Variants in CDKN1B observed in about 807,000 individuals in gnomAD.
CDKN1B encodes the protein cyclin dependent kinase inhibitor 1B, also known as cyclin-dependent kinase inhibitor 1B.
Under a neutral mutation model 17.1 loss-of-function variants are expected in CDKN1B, and 7 were observed. The observed-to-expected ratio is 0.41, with a 90% CI of 0.23 to 0.77. The LOEUF is 0.77. CDKN1B is among the 30% of genes least tolerant of loss of function. The probability of loss-of-function intolerance (pLI) is 0.33; values close to 1 mark genes in which losing one functional copy is unlikely to be tolerated. For missense variants in CDKN1B, 337 were observed against 262.0 expected (o/e 1.29, Z -1.98); for synonymous variants, 149 against 104.3 (o/e 1.43, Z -2.61).
At chr12:12,720,774 C>T (rs1307505232) in intron 2 of CDKN1B, among the ~76,000 whole-genome samples, 2 of 152,134 alleles carry the variant, frequency 1.3e-5, no homozygotes, top group Admixed American at 1.3e-4. Flanking sequence ...TGTCTCCAGA[C>T]ATTGCCAAAT....
In CDKN1B at chr12:12,718,253, G is replaced by A. The variant is rs2136356472; in HGVS notation, c.414G>A (p.Ser138=). 1 of 1,610,878 alleles carries A rather than the reference G, an allele frequency of 6.2e-7. No individual in the cohort carries two copies. Among genetic ancestry groups the A allele is most frequent in the Non-Finnish European group, 8.5e-7 (1 of 1,180,026 alleles). Residue 138 remains serine (S), a synonymous_variant, in exon 1 of 3, where the codon TCG becomes TCA. Coordinates refer to ENST00000228872, the MANE Select transcript of CDKN1B (RefSeq NM_004064.5). Reference sequence around the variant, plus strand: ...TGGTGGACCCAAAGACTGATCCGTCGGACAGCCAGACGGGGTTAGCGGAGC... The same window carrying A: ...TGGTGGACCCAAAGACTGATCCGTCAGACAGCCAGACGGGGTTAGCGGAGC... The part of the protein sequence containing the change: ...THLVDPKTDP[S]DSQTGLAEQC...
rs1015294906 is a variant in CDKN1B at position 12,720,919 on chromosome 12, T to C, written c.*9-117T>C. The C allele has an allele frequency of 5.5e-6, 3 of 547,386 alleles. No homozygotes were observed. In the Admixed American group the frequency reaches 1.1e-4, roughly 19 times the overall value. 33.9% of individuals were successfully genotyped at this position (547,386 alleles called of 1,614,324 possible). The stretch of plus-strand genomic sequence containing the variant: ...GTGGAGATGACTATAGTCATCAAAC[T>C]TTTTTCCCCATCAAGTATTTCCAAG... On this transcript the variant is annotated intron_variant, in intron 2 of 2. Coordinates refer to ENST00000228872, the MANE Select transcript of CDKN1B (RefSeq NM_004064.5).
At position 12,717,832 on chromosome 12, in the gene CDKN1B, G is replaced by A. The variant is rs763858384; in HGVS notation, c.-8G>A. On this transcript the variant is annotated 5_prime_UTR_variant, in exon 1 of 3. Coordinates refer to ENST00000228872, the MANE Select transcript of CDKN1B (RefSeq NM_004064.5). ...CGAGAGAGGCGGTCGTGCAGACCCG[G>A]GAGAAAGATGTCAAACGTGCGAGTG... 10 of 1,612,018 alleles carry A rather than the reference G, an allele frequency of 6.2e-6. No homozygotes were observed. Among genetic ancestry groups the A allele is most frequent in the East Asian group, 2.2e-5 (1 of 44,888 alleles).
intron 2 of CDKN1B, 159 bp downstream of exon 2, chr12:12,719,113 C>G: frequency 1.2e-6 from 1 of 806,202 alleles, no homozygotes. Flanking sequence ...GCTGGGGATA[C>G]GGTAATTCCT....
intron 2 of CDKN1B, chr12:12,719,226 C>T (rs1946518288): frequency 2.3e-6 from 1 of 439,524 alleles, no homozygotes; most frequent in Admixed American, 3.5e-5. Flanking sequence ...CCCTGTGAGT[C>T]CCACTAAAAC....
rs893650334 is a variant in CDKN1B, at chr12:12,718,825, A to G, written c.476A>G (p.Asp159Gly). Residue 159 changes from aspartate (D) to glycine (G), a missense_variant and splice_region_variant, in exon 2 of 3, where the codon GAT becomes GGT. By Grantham distance (94) the Asp-to-Gly change is moderately conservative. Coordinates refer to ENST00000228872, the MANE Select transcript of CDKN1B (RefSeq NM_004064.5). ...TTTTAAAAATTTCCCCTGCGCTTAG[A>G]TTCTTCTACTCAAAACAAAAGAGCC... is the stretch of plus-strand genomic sequence containing the variant. Reference protein sequence around the residue: ...AGIRKRPATDDSSTQNKRANR... With the variant: ...AGIRKRPATDGSSTQNKRANR... The G allele has an allele frequency of 1.2e-5, 19 of 1,613,948 alleles. No homozygotes were observed. The highest frequency in any genetic ancestry group is 1.0e-4 in the Admixed American group (6 of 59,992).
At position 12,717,424 on chromosome 12, in the gene CDKN1B, G is replaced by C; in HGVS notation, c.-416G>C. 1 of 1,225,230 alleles carries C rather than the reference G, an allele frequency of 8.2e-7. No individual in the cohort carries two copies. The highest frequency in any genetic ancestry group is 1.0e-6 in the Non-Finnish European group (1 of 975,666). 75.9% of individuals were successfully genotyped at this position (1,225,230 alleles called of 1,614,324 possible). ...TTGGGCCACTAAAAAAAGGGGGCTCGTCTTTTCGGGGTGTTTTTCTCCCCC... is the reference window on the plus strand; with the variant it reads ...TTGGGCCACTAAAAAAAGGGGGCTCCTCTTTTCGGGGTGTTTTTCTCCCCC... On this transcript the variant is annotated 5_prime_UTR_variant, in exon 1 of 3. Transcript: ENST00000228872.
chr12:12,718,397 G>A, intron 1 of CDKN1B, 83 bp downstream of exon 1: 1 of 1,277,292 alleles, frequency 7.8e-7, no homozygotes, highest in African/African-American at 1.5e-5. Flanking sequence ...TTGCTTTTCG[G>A]CGTATTCTGA....
At position 12,717,944 on chromosome 12, in the gene CDKN1B, G is replaced by A. The variant is rs1207298217; in HGVS notation, c.105G>A (p.Pro35=). 1.9e-6 allele frequency: 3 copies of A among 1,614,218 alleles called. No individual in the cohort carries two copies. Among genetic ancestry groups the A allele is most frequent in the African/African-American group, 1.3e-5 (1 of 75,066 alleles). Reference sequence around the variant, plus strand: ...CGGCCTGCAGGAACCTCTTCGGCCCGGTGGACCACGAAGAGTTAACCCGGG... The same window carrying A: ...CGGCCTGCAGGAACCTCTTCGGCCCAGTGGACCACGAAGAGTTAACCCGGG... ...KPSACRNLFG[P]VDHEELTRDL... The change falls in exon 1 of 3, where the codon CCG becomes CCA. Residue 35 remains proline (P), a synonymous_variant. Coordinates refer to ENST00000228872, the MANE Select transcript of CDKN1B (RefSeq NM_004064.5).
At chr12:12,718,412 G>A (rs1002176228) in intron 1 of CDKN1B, 98 bp downstream of exon 1, 5 of 1,123,274 alleles carry the variant, frequency 4.5e-6, no homozygotes, top group South Asian at 2.6e-5. Context: ...TTCTGATTTA[G>A]CTTTGGGAGA....
rs553587658 is a variant in CDKN1B at position 12,721,732 on chromosome 12, C to T, written c.*705C>T. Reference sequence around the variant, plus strand: ...TTACTCAGCAGAATGGTGATCACTCCAGGTAGTTTGGGGCAAAAATCCGAG... The same window carrying T: ...TTACTCAGCAGAATGGTGATCACTCTAGGTAGTTTGGGGCAAAAATCCGAG... On this transcript the variant is annotated 3_prime_UTR_variant, in exon 3 of 3. Transcript: ENST00000228872. The T allele has an allele frequency of 6.6e-6, 1 of 152,226 alleles. No homozygotes were observed. Among genetic ancestry groups the T allele is most frequent in the Admixed American group, 6.5e-5 (1 of 15,288 alleles). The allele number at this position is 152,226 out of a possible 1,614,324, so 9.4% of individuals were successfully genotyped here.
In CDKN1B at chr12:12,718,058, G is replaced by T. The variant is rs573353679; in HGVS notation, c.219G>T (p.Lys73Asn). ...AGAATCACAAACCCCTAGAGGGCAA[G>T]TACGAGTGGCAAGAGGTGGAGAAGG... ...DFQNHKPLEG[K>N]YEWQEVEKGS... Residue 73 changes from lysine to asparagine, a missense_variant, in exon 1 of 3, where the codon AAG becomes AAT. Coordinates refer to ENST00000228872, the MANE Select transcript of CDKN1B (RefSeq NM_004064.5). The T allele has an allele frequency of 1.4e-5, 23 of 1,614,274 alleles. No individual in the cohort carries two copies. The highest frequency in any genetic ancestry group is 1.9e-5 in the Non-Finnish European group (23 of 1,180,050).
Position 12,720,650 on chromosome 12 carries a change from G to A in CDKN1B, c.*9-386G>A, listed in dbSNP as rs959425657. 3.9e-5 allele frequency among the ~76,000 whole-genome samples: 6 copies of A among 152,122 alleles called. No homozygotes were observed. The East Asian group carries it at 5.8e-4, about 15-fold the overall frequency. ...CTCTGCACTAATGACATTTTGGGCC[G>A]AATAATTCTGTTGTAGGAGGCTGTC... On this transcript the variant is annotated intron_variant, in intron 2 of 2. Coordinates refer to ENST00000228872, the MANE Select transcript of CDKN1B (RefSeq NM_004064.5).
Position 12,717,586 on chromosome 12 carries a change from C to T in CDKN1B, c.-254C>T, listed in dbSNP as rs561344485. ...TTGCCACCCTCTCCGCTTGCCTGGT[C>T]CCCTCTCCTCTCCGCCCTCCCGCTC... is the stretch of plus-strand genomic sequence containing the variant. On this transcript the variant is annotated 5_prime_UTR_variant, in exon 1 of 3. Transcript: ENST00000228872. 6.3e-6 allele frequency: 9 copies of T among 1,428,390 alleles called. No individual in the cohort carries two copies. In the Admixed American group the frequency reaches 2.6e-4, roughly 41 times the overall value. The allele number at this position is 1,428,390 out of a possible 1,614,324, so 88.5% of individuals were successfully genotyped here.
Position 12,717,436 on chromosome 12 carries a change from T to C in CDKN1B, c.-404T>C. Reference sequence around the variant, plus strand: ...AAAAAGGGGGCTCGTCTTTTCGGGGTGTTTTTCTCCCCCTCCCCTGTCCCC... The same window carrying C: ...AAAAAGGGGGCTCGTCTTTTCGGGGCGTTTTTCTCCCCCTCCCCTGTCCCC... On this transcript the variant is annotated 5_prime_UTR_variant, in exon 1 of 3. Transcript: ENST00000228872. 1 of 1,234,052 alleles carries C rather than the reference T, an allele frequency of 8.1e-7. No homozygotes were observed. Among genetic ancestry groups the C allele is most frequent in the South Asian group, 2.1e-5 (1 of 46,820 alleles). 76.4% of individuals were successfully genotyped at this position (1,234,052 alleles called of 1,614,324 possible). A position where few individuals can be genotyped will look rare whatever the true frequency, so the allele number is the denominator to read the frequency against.
rs1191124332 is a variant in CDKN1B at position 12,721,117 on chromosome 12, A to G, written c.*90A>G. Reference sequence around the variant, plus strand: ...AGATATACATGAAAATTTTAAAAATACATATCGCTGACTTCATGGAATGGA... The same window carrying G: ...AGATATACATGAAAATTTTAAAAATGCATATCGCTGACTTCATGGAATGGA... On this transcript the variant is annotated 3_prime_UTR_variant, in exon 3 of 3. Coordinates refer to ENST00000228872, the MANE Select transcript of CDKN1B (RefSeq NM_004064.5). 1.3e-6 allele frequency: 1 copy of G among 774,050 alleles called. No individual in the cohort carries two copies. The highest frequency in any genetic ancestry group is 2.4e-6 in the Non-Finnish European group (1 of 415,288). The allele number at this position is 774,050 out of a possible 1,614,324, so 47.9% of individuals were successfully genotyped here. A position where few individuals can be genotyped will look rare whatever the true frequency, so the allele number is the denominator to read the frequency against.
rs2049782520 is a variant in CDKN1B, at chr12:12,717,608, G to A, written c.-232G>A. On this transcript the variant is annotated 5_prime_UTR_variant, in exon 1 of 3. Transcript: ENST00000228872. ...GGTCCCCTCTCCTCTCCGCCCTCCC[G>A]CTCGCCAGTCCATTTGATCAGCGGA... 1.4e-6 allele frequency: 2 copies of A among 1,440,186 alleles called. No individual in the cohort carries two copies. Among genetic ancestry groups the A allele is most frequent in the South Asian group, 2.9e-5 (2 of 67,864 alleles). The allele number at this position is 1,440,186 out of a possible 1,614,324, so 89.2% of individuals were successfully genotyped here.
chr12:12,718,841 C>G lies in CDKN1B; in HGVS notation c.492C>G (p.Asn164Lys). ...RPATDDSSTQ[N>K]KRANRTEENV... Reference sequence around the variant, plus strand: ...TGCGCTTAGATTCTTCTACTCAAAACAAAAGAGCCAACAGAACAGAAGAAA... The same window carrying G: ...TGCGCTTAGATTCTTCTACTCAAAAGAAAAGAGCCAACAGAACAGAAGAAA... Residue 164 changes from asparagine to lysine, a missense_variant, in exon 2 of 3, where the codon AAC becomes AAG. Transcript: ENST00000228872. 1 of 1,614,056 alleles carries G rather than the reference C, an allele frequency of 6.2e-7. No homozygotes were observed. The highest frequency in any genetic ancestry group is 8.5e-7 in the Non-Finnish European group (1 of 1,179,998).
chr12:12,718,913 CAAG>C lies in CDKN1B; in HGVS notation c.568_570del (p.Lys190del). On this transcript the variant is annotated inframe_deletion, in exon 2 of 3. Coordinates refer to ENST00000228872, the MANE Select transcript of CDKN1B (RefSeq NM_004064.5). ...ATGCCGGTTCTGTGGAGCAGACGCCCAAGAAGCCTGGCCTCAGAAGACGTCAAA... is the reference window on the plus strand; with the variant it reads ...ATGCCGGTTCTGTGGAGCAGACGCCCAAGCCTGGCCTCAGAAGACGTCAAA... 6.2e-7 allele frequency: 1 copy of C among 1,614,130 alleles called. No individual in the cohort carries two copies. Among genetic ancestry groups the C allele is most frequent in the South Asian group, 1.1e-5 (1 of 91,082 alleles).
Sources: allele counts gnomAD v4.1 joint callset (sites outside exome capture counted in the v4.1 genomes callset), GRCh38; gene constraint gnomAD v4.1.1; transcripts MANE v1.5; gene names NCBI Gene and HGNC (gene_info 2026-07-23, HGNC 2026-07-21).